Variants in ZNF618 observed in about 807,000 individuals in gnomAD.
The protein encoded by ZNF618 is neural precursor cell expressed, developmentally down-regulated 10.
Under a neutral mutation model 103.0 loss-of-function variants are expected in ZNF618, and 34 were observed. That is an observed-to-expected ratio of 0.33 (90% CI 0.25 to 0.44). ZNF618 has a LOEUF of 0.44. ZNF618 is among the 20% of genes least tolerant of loss of function. ZNF618 has a pLI of 1.00. For missense variants in ZNF618, 1,059 were observed against 1,295.4 expected, an observed-to-expected ratio of 0.82 and a Z score of 2.80; for synonymous variants, 551 against 542.2, an observed-to-expected ratio of 1.02 and a Z score of -0.23.
intron 13 of ZNF618, among the ~76,000 whole-genome samples, chr9:114,038,497 A>G (rs1588431956): frequency 6.6e-6 from 1 of 152,224 alleles, no homozygotes; most frequent in East Asian, 1.9e-4. Flanking sequence ...CTCCATAGAG[A>G]GAAATTAAGC....
At chr9:113,908,761 A>G (rs1268133162) in intron 1 of ZNF618, among the ~76,000 whole-genome samples, 1 of 151,972 alleles carries the variant, frequency 6.6e-6, no homozygotes, top group Non-Finnish European at 1.5e-5. Context: ...GGGAGTGAGG[A>G]TCACAGAATC....
chr9:113,958,053 G>A (rs1314701628), intron 1 of ZNF618, among the ~76,000 whole-genome samples: 1 of 151,994 alleles, frequency 6.6e-6, no homozygotes, highest in African/African-American at 2.4e-5. Context: ...GAGATTAACT[G>A]TGACTGGAAA....
At chr9:113,906,730 A>C (rs1831023258) in intron 1 of ZNF618, among the ~76,000 whole-genome samples, 1 of 152,220 alleles carries the variant, frequency 6.6e-6, no homozygotes, top group Non-Finnish European at 1.5e-5. Context: ...CTGCCAGTTT[A>C]TACAACAAAC....
rs545071483 is a variant in ZNF618, at chr9:114,049,258, A to G, written c.1956A>G (p.Thr652=). ...TGCAGAGCGTGCTGAGCAAGCGGAC[A>G]CTGCAGGCCCGCAGCATGCACGAGG... The part of the protein sequence containing the change: ...SVVQSVLSKR[T]LQARSMHEVI... The change falls in exon 15 of 15, where the codon ACA becomes ACG. Residue 652 remains threonine (T), a synonymous_variant. Coordinates refer to ENST00000374126, the MANE Select transcript of ZNF618 (RefSeq NM_001318042.2). The G allele has an allele frequency of 8.1e-6, 13 of 1,612,794 alleles. No homozygotes were observed. In the African/African-American group the frequency reaches 9.3e-5, roughly 12 times the overall value.
intron 1 of ZNF618, among the ~76,000 whole-genome samples, chr9:113,963,144 G>A (rs1318104087): frequency 6.6e-6 from 1 of 152,176 alleles, no homozygotes; most frequent in African/African-American, 2.4e-5. Flanking sequence ...CTAAATATTA[G>A]GGGACATAGA....
intron 1 of ZNF618, among the ~76,000 whole-genome samples, chr9:113,961,022 T>C (rs1008707519): frequency 6.6e-5 from 10 of 152,240 alleles, no homozygotes; most frequent in African/African-American, 2.4e-4. Flanking sequence ...GTGGTGCCCT[T>C]TTCTTCACTG....
chr9:114,000,316 G>A (rs188533307), intron 4 of ZNF618, among the ~76,000 whole-genome samples: 160 of 152,120 alleles, frequency 1.1e-3, no homozygotes, highest in African/African-American at 3.6e-3. Flanking sequence ...ACAGAGGCTC[G>A]GACAAGTGAA....
chr9:113,891,256 A>G (rs540970523), intron 1 of ZNF618, among the ~76,000 whole-genome samples: 9 of 152,224 alleles, frequency 5.9e-5, no homozygotes, highest in Non-Finnish European at 1.3e-4. Context: ...GTATTTGGTA[A>G]GGGGTTAATA....
intron 1 of ZNF618, among the ~76,000 whole-genome samples, chr9:113,951,447 ATGTG>A (rs1301306957): frequency 6.1e-5 from 4 of 65,910 alleles, no homozygotes; most frequent in African/African-American, 1.8e-4. Flanking sequence ...ATATACATAT[ATGTG>A]TATATATACA....
intron 1 of ZNF618, among the ~76,000 whole-genome samples, chr9:113,944,244 C>G (rs1834803853): frequency 6.6e-6 from 1 of 152,286 alleles, no homozygotes; most frequent in South Asian, 2.1e-4. Context: ...TCGTCTTCCC[C>G]CTAGAGTAGA....
chr9:113,964,121 C>T (rs116934560), intron 1 of ZNF618, among the ~76,000 whole-genome samples: 3,370 of 152,212 alleles, frequency 0.022, 61 homozygotes, highest in Non-Finnish European at 0.031. Flanking sequence ...CTAGCTGAGG[C>T]GCCATCTTGG....
chr9:113,915,432 T>G (rs1365308652), intron 1 of ZNF618, among the ~76,000 whole-genome samples: 1 of 151,906 alleles, frequency 6.6e-6, no homozygotes, highest in Admixed American at 6.6e-5. Context: ...GTGGAGGAAC[T>G]GGGGGGAGAC....
intron 2 of ZNF618, among the ~76,000 whole-genome samples, chr9:113,979,901 T>G (rs56221603): frequency 0.56 from 85,558 of 151,468 alleles, 24,408 homozygotes; most frequent in Middle Eastern, 0.77. Context: ...TGACCTTGGT[T>G]GCTCTGTCCA....
At position 114,049,872 on chromosome 9, in the gene ZNF618, C is replaced by A; in HGVS notation, c.2570C>A (p.Ala857Asp). The change falls in exon 15 of 15, where the codon GCC becomes GAC. Residue 857 changes from alanine (A) to aspartate (D), a missense_variant. Ala to Asp is a moderately radical substitution (Grantham distance 126). Around this residue, in one of 6 missense-constraint regions of ZNF618, gnomAD observed 156 missense variants for 197.1 expected, o/e 0.79. Transcript: ENST00000374126. ...GCTGCCAAGAAGCCCCGCTCTGCTG[C>A]CGTCGAGAACCCCGCAGCTCAGGAA... The part of the protein sequence containing the change: ...EPAAKKPRSA[A>D]VENPAAQEDD... 6.2e-7 allele frequency: 1 copy of A among 1,613,898 alleles called. No homozygotes were observed. The highest frequency in any genetic ancestry group is 8.5e-7 in the Non-Finnish European group (1 of 1,179,886).
intron 1 of ZNF618, among the ~76,000 whole-genome samples, chr9:113,962,968 A>C (rs887738994): frequency 2.0e-5 from 3 of 152,232 alleles, no homozygotes; most frequent in Non-Finnish European, 2.9e-5. Flanking sequence ...ATGTAGAAGG[A>C]GCTTGATAAA....
chr9:114,010,587 C>T (rs1842153385), intron 9 of ZNF618, among the ~76,000 whole-genome samples: 1 of 151,986 alleles, frequency 6.6e-6, no homozygotes, highest in Non-Finnish European at 1.5e-5. Context: ...GCCTGTAGTC[C>T]CAGCTACTTG....
In ZNF618 at chr9:114,020,391, A is replaced by G. The variant is rs1037711248; in HGVS notation, c.844+3607A>G. Among the ~76,000 whole-genome samples, 7 of 152,156 alleles carry G rather than the reference A, an allele frequency of 4.6e-5. No individual in the cohort carries two copies. In the East Asian group the frequency reaches 1.2e-3, roughly 25 times the overall value. Reference sequence around the variant, plus strand: ...TTGTTTGGGATTCTATTGAATCTGTAGATCAATTTGGGGAGAATCATCATT... The same window carrying G: ...TTGTTTGGGATTCTATTGAATCTGTGGATCAATTTGGGGAGAATCATCATT... On this transcript the variant is annotated intron_variant, in intron 10 of 14. Coordinates refer to ENST00000374126, the MANE Select transcript of ZNF618 (RefSeq NM_001318042.2).
intron 1 of ZNF618, among the ~76,000 whole-genome samples, chr9:113,877,043 C>T (rs1206952109): frequency 6.6e-6 from 1 of 151,622 alleles, no homozygotes; most frequent in Non-Finnish European, 1.5e-5. Flanking sequence ...CAAAAGTTTG[C>T]ACTACCAGGC....
intron 1 of ZNF618, among the ~76,000 whole-genome samples, chr9:113,898,445 T>G (rs1830232094): frequency 6.6e-6 from 1 of 151,316 alleles, no homozygotes; most frequent in Non-Finnish European, 1.5e-5. Flanking sequence ...TTCGTTTTTT[T>G]TTTTTTTTTT....
Sources: allele counts gnomAD v4.1 joint callset (sites outside exome capture counted in the v4.1 genomes callset), GRCh38; gene constraint gnomAD v4.1.1; regional missense constraint gnomAD v4.1.1; transcripts MANE v1.5; gene names NCBI Gene and HGNC (gene_info 2026-07-23, HGNC 2026-07-21).